Variants in EEA1 observed in about 807,000 individuals in gnomAD.
EEA1 encodes the protein early endosome antigen 1, also known as early endosome antigen 1, 162kD.
EEA1 carries 111 observed loss-of-function variants against 209.2 expected under a neutral mutation model. The observed-to-expected ratio is 0.53, with a 90% confidence interval of 0.45 to 0.62. The LOEUF (loss-of-function observed/expected upper bound fraction) is 0.62. EEA1 is among the 20% of genes least tolerant of loss of function. The pLI, the probability that EEA1 is intolerant of heterozygous loss-of-function variation, is 0.00. For missense variants in EEA1, 1,343 were observed against 1,530.8 expected, an observed-to-expected ratio of 0.88 and a Z score of 2.05; for synonymous variants, 536 against 540.6, an observed-to-expected ratio of 0.99 and a Z score of 0.12.
At chr12:92,858,370 A>C in intron 3 of EEA1, 1 of 987,040 alleles carries the variant, frequency 1.0e-6, no homozygotes, top group South Asian at 1.3e-5. Context: ...GATTCTTCCA[A>C]AGGGTTTGAC....
At chr12:92,777,853 G>T in intron 26 of EEA1, 88 bp downstream of exon 26, 1 of 1,399,502 alleles carries the variant, frequency 7.1e-7, no homozygotes, top group Non-Finnish European at 9.8e-7. Flanking sequence ...CTTTTCTCAA[G>T]ATTCTTCTAT....
rs1385878616 is a variant in EEA1 at position 92,771,511 on chromosome 12, G to GT, written c.*4499dup. 6.6e-6 allele frequency: 1 copy of GT among 152,038 alleles called. No homozygotes were observed. The highest frequency in any genetic ancestry group is 1.5e-5 in the Non-Finnish European group (1 of 67,952). The allele number at this position is 152,038 out of a possible 1,614,324, so 9.4% of individuals were successfully genotyped here. A position where few individuals can be genotyped will look rare whatever the true frequency, so the allele number is the denominator to read the frequency against. On this transcript the variant is annotated 3_prime_UTR_variant, in exon 29 of 29. Transcript: ENST00000322349. Reference sequence around the variant, plus strand: ...GAAAAAAAGGAAAATCTGGAGGACAGTAACTATTGTTAATAGCTAAGAATA... The same window carrying GT: ...GAAAAAAAGGAAAATCTGGAGGACAGTTAACTATTGTTAATAGCTAAGAATA...
chr12:92,848,772 G>A (rs953860182), intron 9 of EEA1, among the ~76,000 whole-genome samples: 3 of 109,176 alleles, frequency 2.7e-5, no homozygotes, highest in African/African-American at 7.1e-5. Flanking sequence ...TGCCTCTATC[G>A]CCCAGGCTAG....
At chr12:92,797,040 T>C (rs1874683167) in intron 21 of EEA1, among the ~76,000 whole-genome samples, 1 of 152,218 alleles carries the variant, frequency 6.6e-6, no homozygotes, top group Non-Finnish European at 1.5e-5. Flanking sequence ...GTAAATGCTA[T>C]GTAAATAGTT....
intron 2 of EEA1, among the ~76,000 whole-genome samples, chr12:92,878,453 T>A (rs180734716): frequency 3.9e-5 from 6 of 152,308 alleles, no homozygotes; most frequent in South Asian, 2.1e-4. Context: ...TTCAGCTTTC[T>A]GAGACAGCTA....
Position 92,776,931 on chromosome 12 carries a change from T to C in EEA1, c.4026A>G (p.Thr1342=). 1 of 1,611,646 alleles carries C rather than the reference T, an allele frequency of 6.2e-7. No individual in the cohort carries two copies. Among genetic ancestry groups the C allele is most frequent in the South Asian group, 1.1e-5 (1 of 91,020 alleles). The change falls in exon 28 of 29, where the codon ACA becomes ACG. Residue 1342 remains threonine, a synonymous_variant. Transcript: ENST00000322349. ...CGGCCCACTTTCTATTCAACGCTTG[T>C]GTATGTTTGATCTGTTTTTTAAAGA... ...RENQSLQIKH[T]QALNRKWAED...
At chr12:92,815,643 C>T (rs936314080) in intron 15 of EEA1, among the ~76,000 whole-genome samples, 1 of 151,786 alleles carries the variant, frequency 6.6e-6, no homozygotes, top group Non-Finnish European at 1.5e-5. Context: ...TACTGCTTAC[C>T]CCATGATTGA....
At position 92,828,163 on chromosome 12, in the gene EEA1, A is replaced by G. The variant is rs1053781041; in HGVS notation, c.1255-102T>C. 11 of 945,064 alleles carry G rather than the reference A, an allele frequency of 1.2e-5. No homozygotes were observed. In the African/African-American group the frequency reaches 1.5e-4, roughly 13 times the overall value. The allele number at this position is 945,064 out of a possible 1,614,324, so 58.5% of individuals were successfully genotyped here. ...TTTACTTTTCACCAAAATAAGTACA[A>G]TATCTTAATTTTCGTGATACTTTGG... On this transcript the variant is annotated intron_variant, in intron 11 of 28. Transcript: ENST00000322349.
chr12:92,810,189 CCATTGACCT>C (rs1258975162), intron 17 of EEA1, among the ~76,000 whole-genome samples: 2 of 151,816 alleles, frequency 1.3e-5, no homozygotes, highest in Non-Finnish European at 2.9e-5. Flanking sequence ...GTAGCCCTTA[CCATTGACCT>C]ACACTGAAAA....
intron 2 of EEA1, among the ~76,000 whole-genome samples, chr12:92,881,712 A>G (rs1296710270): frequency 6.6e-6 from 1 of 152,242 alleles, no homozygotes; most frequent in Non-Finnish European, 1.5e-5. Flanking sequence ...CCAGCTTGGA[A>G]TAGGATAAAC....
In EEA1 at chr12:92,922,319, C is replaced by T. The variant is rs117515912; in HGVS notation, c.24+6724G>A. Reference sequence around the variant, plus strand: ...GCTACCCAAACTACTCACAAGTCAACAAGTTCTAGCAATTCTATCCCTCTT... The same window carrying T: ...GCTACCCAAACTACTCACAAGTCAATAAGTTCTAGCAATTCTATCCCTCTT... On this transcript the variant is annotated intron_variant, in intron 1 of 28. Coordinates refer to ENST00000322349, the MANE Select transcript of EEA1 (RefSeq NM_003566.4). Among the ~76,000 whole-genome samples the T allele has an allele frequency of 8.0e-3, 1,223 of 152,310 alleles. 10 individuals carry two copies. The highest frequency in any genetic ancestry group is 0.019 in the African/African-American group (792 of 41,570).
chr12:92,791,525 A>C (rs577791546), intron 21 of EEA1, among the ~76,000 whole-genome samples: 1 of 152,214 alleles, frequency 6.6e-6, no homozygotes, highest in Admixed American at 6.5e-5. Context: ...AAAGAGACAA[A>C]GAGGCCATTA....
chr12:92,884,099 T>C lies in EEA1; in HGVS notation c.117+7530A>G, dbSNP rs139657441. On this transcript the variant is annotated intron_variant, in intron 2 of 28. Transcript: ENST00000322349. ...CACTTAACTATGAAAAAGATATTTG[T>C]TGGTGGCATTAAACAATGAAGAACA... 1,576 of 1,212,494 alleles carry C rather than the reference T, an allele frequency of 1.3e-3. 17 individuals carry two copies. In the African/African-American group the frequency reaches 0.021, roughly 16 times the overall value. 75.1% of individuals were successfully genotyped at this position (1,212,494 alleles called of 1,614,324 possible). A position where few individuals can be genotyped will look rare whatever the true frequency, so the allele number is the denominator to read the frequency against.
At chr12:92,805,148 T>C (rs1875139344) in intron 18 of EEA1, among the ~76,000 whole-genome samples, 2 of 152,198 alleles carry the variant, frequency 1.3e-5, no homozygotes, top group African/African-American at 4.8e-5. Context: ...ATGATCTTCA[T>C]GGACTGATGC....
chr12:92,808,953 G>A, intron 18 of EEA1, 64 bp downstream of exon 18: 1 of 1,427,316 alleles, frequency 7.0e-7, no homozygotes, highest in South Asian at 1.5e-5. Flanking sequence ...TAAATCTGAA[G>A]GAAATTTTAA....
At chr12:92,804,464 C>T (rs575473356) in intron 18 of EEA1, among the ~76,000 whole-genome samples, 9 of 150,006 alleles carry the variant, frequency 6.0e-5, no homozygotes, top group African/African-American at 2.2e-4. Flanking sequence ...CCCAGCTACT[C>T]GTGAGGCTGA....
intron 20 of EEA1, among the ~76,000 whole-genome samples, chr12:92,799,960 C>T (rs558246875): frequency 6.6e-6 from 1 of 152,190 alleles, no homozygotes; most frequent in South Asian, 2.1e-4. Flanking sequence ...CAGGTGCTCA[C>T]GCCTATAATC....
Position 92,857,492 on chromosome 12 carries a change from A to G in EEA1, c.246-7T>C, listed in dbSNP as rs778010110. 4.0e-5 allele frequency: 63 copies of G among 1,559,612 alleles called. No homozygotes were observed. In the Middle Eastern group the frequency reaches 1.3e-3, roughly 32 times the overall value. On this transcript the variant is annotated splice_region_variant and splice_polypyrimidine_tract_variant and intron_variant, in intron 3 of 28. Coordinates refer to ENST00000322349, the MANE Select transcript of EEA1 (RefSeq NM_003566.4). ...GAGCAGTGTTACATCATCTCTAAAT[A>G]AAAATGGGAGGAAGGAATTAATAGT...
intron 1 of EEA1, among the ~76,000 whole-genome samples, chr12:92,927,952 G>T (rs58907228): frequency 0.014 from 2,102 of 152,294 alleles, 18 homozygotes; most frequent in East Asian, 0.039. Flanking sequence ...CTAGGCAGAA[G>T]CAAGAGCACT....
Sources: gnomAD v4.1 joint callset for allele counts (sites outside exome capture counted in the v4.1 genomes callset) on GRCh38, gnomAD v4.1.1 for gene constraint, MANE v1.5 for transcripts, NCBI Gene and HGNC (gene_info 2026-07-23, HGNC 2026-07-21) for gene names.